FGF13: variants seen among roughly 807,000 people sequenced by gnomAD.
FGF13 encodes the protein fibroblast growth factor homologous factor 2.
In FGF13, 2 loss-of-function variants were observed where a neutral mutation model predicts 19.5. That is an observed-to-expected ratio of 0.10 (90% CI 0.04 to 0.32). FGF13 has a LOEUF of 0.32. Among genes scored for constraint, FGF13 ranks in the 10% least tolerant of loss-of-function variants. FGF13 has a pLI of 1.00. For missense variants in FGF13, 113 were observed against 192.7 expected, an observed-to-expected ratio of 0.59 and a Z score of 2.45; for synonymous variants, 72 against 76.9, an observed-to-expected ratio of 0.94 and a Z score of 0.33.
chrX:139,059,087 G>T (rs2124420322), intron 1 of FGF13, among the ~76,000 whole-genome samples: 1 of 111,340 alleles, frequency 9.0e-6, no homozygotes, highest in East Asian at 2.8e-4. Flanking sequence ...TTATTATTAT[G>T]GCCCAAAGCA....
chrX:138,780,565 A>G (rs1373231011), intron 3 of FGF13, among the ~76,000 whole-genome samples: 2 of 89,971 alleles, frequency 2.2e-5, no homozygotes, highest in East Asian at 3.5e-4. Context: ...AAAGAGACAA[A>G]GAAGGCCATT....
At chrX:138,714,635 A>G (rs1235203388), upstream of FGF13, 2 of 111,761 alleles carry the variant, frequency 1.8e-5, no homozygotes, top group Non-Finnish European at 3.8e-5. Context: ...ATAAGAGCGA[A>G]ACTCCACACA....
chrX:138,778,788 G>T (rs141233089), intron 3 of FGF13, among the ~76,000 whole-genome samples: 6 of 112,566 alleles, frequency 5.3e-5, no homozygotes, highest in South Asian at 3.7e-4. Flanking sequence ...AAAGCAGCCC[G>T]GAAGCTCGAA....
chrX:139,022,472 G>A (rs1259579043), intron 1 of FGF13, among the ~76,000 whole-genome samples: 1 of 111,348 alleles, frequency 9.0e-6, no homozygotes, highest in Non-Finnish European at 1.9e-5. Context: ...TCTTCCGTTG[G>A]CTTCCCTCTA....
At chrX:139,008,605 T>A (rs1159662407) in intron 1 of FGF13, among the ~76,000 whole-genome samples, 5 of 111,220 alleles carry the variant, frequency 4.5e-5, no homozygotes, top group Non-Finnish European at 9.4e-5. Context: ...GCAAAAACAA[T>A]CACTACAGTT....
chrX:138,694,359 C>T (rs1016598770), intron 3 of FGF13, among the ~76,000 whole-genome samples: 4 of 110,987 alleles, frequency 3.6e-5, no homozygotes, highest in Non-Finnish European at 7.6e-5. Context: ...GACTAGAATG[C>T]GGAATCCAGA....
chrX:139,149,676 C>T (rs73243312), intron 1 of FGF13, among the ~76,000 whole-genome samples: 4,570 of 111,843 alleles, frequency 0.041, 109 homozygotes, highest in Middle Eastern at 0.14. Context: ...TACAAAACAA[C>T]CTAGATCCCC....
intron 1 of FGF13, among the ~76,000 whole-genome samples, chrX:138,710,218 CT>C (rs764659858): frequency 1.8e-5 from 2 of 110,245 alleles, no homozygotes; most frequent in African/African-American, 6.6e-5. Context: ...AACCAAATCT[CT>C]CAGCTCTTTG....
intron 3 of FGF13, among the ~76,000 whole-genome samples, chrX:138,782,110 C>T (rs1218364093): frequency 9.0e-6 from 1 of 111,622 alleles, no homozygotes; most frequent in Non-Finnish European, 1.9e-5. Flanking sequence ...ATTCAACAAC[C>T]CTTCATGCTA....
rs1229458217 is a variant in FGF13, at chrX:138,754,291, G to T, written c.218-45363C>A. Among the ~76,000 whole-genome samples the T allele has an allele frequency of 3.6e-5, 4 of 111,768 alleles. No individual in the cohort carries two copies. In the East Asian group the frequency reaches 8.5e-4, roughly 24 times the overall value. On this transcript the variant is annotated intron_variant, in intron 3 of 6. Coordinates refer to the FGF13 transcript ENST00000436198. ...AGGCTCCATAAGGACATGAATATTT[G>T]TTTGATTCCCTGTTATGTCCTCAGT...
At chrX:138,673,755 A>C (rs1386292972) in intron 3 of FGF13, among the ~76,000 whole-genome samples, 4 of 111,588 alleles carry the variant, frequency 3.6e-5, no homozygotes, top group Non-Finnish European at 1.9e-5. Context: ...AAAGAAAGAA[A>C]AGAACAATTT....
chrX:138,996,190 C>T (rs959220174), intron 1 of FGF13, among the ~76,000 whole-genome samples: 59 of 112,241 alleles, frequency 5.3e-4, no homozygotes, highest in African/African-American at 1.2e-3. Context: ...GGACAGTGGG[C>T]GCAACCCACA....
intron 3 of FGF13, chrX:138,806,334 T>A (rs1490594705): frequency 4.5e-5 from 5 of 111,992 alleles, no homozygotes; most frequent in African/African-American, 1.3e-4. Flanking sequence ...ATCTGCCCCA[T>A]CCTCACTGCG....
At chrX:138,648,430 C>G (rs1001074765) in intron 3 of FGF13, among the ~76,000 whole-genome samples, 2 of 111,102 alleles carry the variant, frequency 1.8e-5, no homozygotes, top group African/African-American at 6.6e-5. Flanking sequence ...GATTCCTCAA[C>G]TCAAGCCAGA....
chrX:138,678,362 TATA>T (rs2089694728), intron 3 of FGF13, among the ~76,000 whole-genome samples: 1 of 111,730 alleles, frequency 9.0e-6, no homozygotes, highest in African/African-American at 3.3e-5. Flanking sequence ...AAACTTAAAG[TATA>T]ATAATAATAA....
At chrX:138,801,024 C>T (rs1311353361) in intron 3 of FGF13, among the ~76,000 whole-genome samples, 1 of 112,035 alleles carries the variant, frequency 8.9e-6, no homozygotes, top group Non-Finnish European at 1.9e-5. Flanking sequence ...ATTGGCAGAA[C>T]ATGCTCCCTT....
rs754794368 is a variant in FGF13, at chrX:138,883,122, A to G, written c.-112-18472T>C. 5.3e-5 allele frequency among the ~76,000 whole-genome samples: 6 copies of G among 112,477 alleles called. No individual in the cohort carries two copies. The South Asian group carries it at 1.8e-3, about 35-fold the overall frequency. ...CTGTCCAAGCCTTGCATCAGCTTCA[A>G]CAAAGAAGTTTTCTGCTGCAGTGTC... On this transcript the variant is annotated intron_variant, in intron 1 of 2. Coordinates refer to the FGF13 transcript ENST00000421460.
chrX:138,802,381 C>T (rs1425573361), intron 3 of FGF13, among the ~76,000 whole-genome samples: 2 of 110,814 alleles, frequency 1.8e-5, no homozygotes. Flanking sequence ...CCAGGTGAGG[C>T]AACTCCCCAT....
intron 3 of FGF13, among the ~76,000 whole-genome samples, chrX:138,822,385 A>G (rs1475861994): frequency 2.7e-5 from 3 of 112,158 alleles, no homozygotes; most frequent in Non-Finnish European, 5.6e-5. Context: ...ACCTGGGTTC[A>G]CTGAAAGAGA....
Sources: gnomAD v4.1 joint callset for allele counts (sites outside exome capture counted in the v4.1 genomes callset) on GRCh38, gnomAD v4.1.1 for gene constraint, MANE v1.5 for transcripts, NCBI Gene and HGNC (gene_info 2026-07-23, HGNC 2026-07-21) for gene names.